GRM8: variants seen among roughly 807,000 people sequenced by gnomAD.
GRM8 encodes the protein metabotropic glutamate receptor 8.
A neutral mutation model predicts 87.2 loss-of-function variants in GRM8; 47 were observed. The observed-to-expected ratio is 0.54, with a 90% CI of 0.43 to 0.69. GRM8 has a LOEUF of 0.69. GRM8 is among the 30% of genes least tolerant of loss of function. The probability of loss-of-function intolerance (pLI) is 0.00; values close to 1 mark genes in which losing one functional copy is unlikely to be tolerated. For missense variants in GRM8, 1,019 were observed against 1,139.2 expected (o/e 0.89, Z 1.52); for synonymous variants, 396 against 404.5 (o/e 0.98, Z 0.25).
rs558813523 is a variant in GRM8 at position 127,178,172 on chromosome 7, G to C, written c.510+64523C>G. Among the ~76,000 whole-genome samples the C allele has an allele frequency of 4.6e-5, 7 of 152,212 alleles. 1 individual carries two copies. The East Asian group carries it at 5.8e-4, about 13-fold the overall frequency. On this transcript the variant is annotated intron_variant, in intron 2 of 10. Coordinates refer to ENST00000339582, the MANE Select transcript of GRM8 (RefSeq NM_000845.3). The stretch of plus-strand genomic sequence containing the variant: ...AAAGAAAAAGCAATCAAAAATTCAG[G>C]AAACTTTAGACACACTTTTAGAAAT...
chr7:127,099,782 TAAG>T (rs1297452900), intron 3 of GRM8, among the ~76,000 whole-genome samples: 1 of 152,152 alleles, frequency 6.6e-6, no homozygotes, highest in Non-Finnish European at 1.5e-5. Flanking sequence ...CACCCTCTGT[TAAG>T]AACTGAATTA....
intron 9 of GRM8, among the ~76,000 whole-genome samples, chr7:126,478,364 AT>A (rs1322974617): frequency 1.3e-5 from 2 of 152,126 alleles, no homozygotes; most frequent in Non-Finnish European, 2.9e-5. Context: ...ATATGAGATT[AT>A]TCTTTAAATA....
chr7:127,020,657 A>G (rs1816172645), intron 3 of GRM8, among the ~76,000 whole-genome samples: 1 of 152,044 alleles, frequency 6.6e-6, no homozygotes, highest in Non-Finnish European at 1.5e-5. Context: ...ATCTTGGCCA[A>G]GCTCAAAAAT....
chr7:126,589,404 C>T (rs918297709), intron 8 of GRM8, among the ~76,000 whole-genome samples: 10 of 152,140 alleles, frequency 6.6e-5, no homozygotes, highest in Non-Finnish European at 1.3e-4. Context: ...CAGCCATAAT[C>T]CTACTGGTAA....
chr7:126,817,101 A>G (rs957163870), intron 6 of GRM8, among the ~76,000 whole-genome samples: 3 of 152,226 alleles, frequency 2.0e-5, no homozygotes, highest in Middle Eastern at 3.4e-3. Flanking sequence ...ATTTATATAC[A>G]CTTCAATTGT....
intron 7 of GRM8, among the ~76,000 whole-genome samples, chr7:126,712,614 T>C (rs567622289): frequency 6.6e-6 from 1 of 152,236 alleles, no homozygotes; most frequent in East Asian, 1.9e-4. Context: ...CTAATTAAAC[T>C]AAAGAGCTTC....
intron 6 of GRM8, among the ~76,000 whole-genome samples, chr7:126,830,663 T>C (rs1350031747): frequency 1.3e-5 from 2 of 152,234 alleles, no homozygotes; most frequent in African/African-American, 2.4e-5. Context: ...CTCCTGTAGC[T>C]CGGAGTAGTT....
intron 2 of GRM8, chr7:127,228,272 G>C (rs1797467722): frequency 6.6e-6 from 1 of 152,162 alleles, no homozygotes; most frequent in Non-Finnish European, 1.5e-5. Context: ...CAGAATTGTT[G>C]TAAGGATCCA....
intron 9 of GRM8, among the ~76,000 whole-genome samples, chr7:126,509,620 T>C (rs975713874): frequency 6.6e-6 from 1 of 152,058 alleles, no homozygotes; most frequent in Non-Finnish European, 1.5e-5. Flanking sequence ...CCCTTTGAGG[T>C]AGGTAATTAT....
At chr7:126,909,158 C>T (rs1050529489) in intron 3 of GRM8, among the ~76,000 whole-genome samples, 7 of 152,144 alleles carry the variant, frequency 4.6e-5, no homozygotes, top group Non-Finnish European at 1.0e-4. Flanking sequence ...AATTAGGTAA[C>T]ACAGATAACA....
intron 7 of GRM8, among the ~76,000 whole-genome samples, chr7:126,613,764 G>A (rs1454393378): frequency 2.6e-5 from 4 of 152,210 alleles, no homozygotes; most frequent in East Asian, 1.9e-4. Context: ...CCATGCCCAC[G>A]GAGCCTCACT....
chr7:126,819,285 C>A (rs1010819178), intron 6 of GRM8, among the ~76,000 whole-genome samples: 1 of 151,798 alleles, frequency 6.6e-6, no homozygotes, highest in African/African-American at 2.4e-5. Context: ...TACACACACA[C>A]ACACACACAC....
At chr7:126,821,680 T>C (rs2130177148) in intron 6 of GRM8, among the ~76,000 whole-genome samples, 2 of 152,264 alleles carry the variant, frequency 1.3e-5, no homozygotes, top group South Asian at 2.1e-4. Flanking sequence ...AAAGAAAAGT[T>C]TCCAGGTACT....
At position 126,506,737 on chromosome 7, in the gene GRM8, C is replaced by T. The variant is rs142506508; in HGVS notation, c.2430+26215G>A. On this transcript the variant is annotated intron_variant, in intron 9 of 10. Transcript: ENST00000339582. Reference sequence around the variant, plus strand: ...AAGGTTGCCGAGAGCTGAGATCACACCAGTGCACTCTAGCCTGGGCAACAG... The same window carrying T: ...AAGGTTGCCGAGAGCTGAGATCACATCAGTGCACTCTAGCCTGGGCAACAG... Among the ~76,000 whole-genome samples the T allele has an allele frequency of 5.5e-4, 84 of 151,930 alleles. No individual in the cohort carries two copies. The East Asian group carries it at 0.015, about 27-fold the overall frequency.
At chr7:126,702,570 T>C (rs1484180614) in intron 7 of GRM8, among the ~76,000 whole-genome samples, 1 of 152,132 alleles carries the variant, frequency 6.6e-6, no homozygotes, top group Non-Finnish European at 1.5e-5. Flanking sequence ...GCACATAAGA[T>C]GTGTTCCTGA....
intron 5 of GRM8, among the ~76,000 whole-genome samples, chr7:126,903,630 TATGTGTATATATATAG>T (rs1277762856): frequency 5.6e-5 from 6 of 106,986 alleles, no homozygotes; most frequent in African/African-American, 1.3e-4. Flanking sequence ...TATATATGTA[TATGTGTATATATATAG>T]GTATATGTGT....
intron 3 of GRM8, among the ~76,000 whole-genome samples, chr7:126,946,637 G>A (rs1468087498): frequency 6.6e-6 from 1 of 152,210 alleles, no homozygotes; most frequent in African/African-American, 2.4e-5. Context: ...CCAACCTGTA[G>A]ATACAAGAGT....
intron 2 of GRM8, among the ~76,000 whole-genome samples, chr7:127,156,159 G>A (rs911312376): frequency 3.3e-5 from 5 of 152,200 alleles, no homozygotes; most frequent in African/African-American, 1.2e-4. Flanking sequence ...GTGGAGGAAG[G>A]AGGGGCAGTA....
At chr7:126,473,330 G>A (rs1036032339) in intron 9 of GRM8, among the ~76,000 whole-genome samples, 8 of 152,226 alleles carry the variant, frequency 5.3e-5, no homozygotes, top group Admixed American at 2.6e-4. Context: ...TGACCTGGAT[G>A]TGAAACATGT....
Sources: gnomAD v4.1 joint callset for allele counts (sites outside exome capture counted in the v4.1 genomes callset) on GRCh38, gnomAD v4.1.1 for gene constraint, MANE v1.5 for transcripts, NCBI Gene and HGNC (gene_info 2026-07-23, HGNC 2026-07-21) for gene names.